PTPRR: variants seen among roughly 807,000 people sequenced by gnomAD.
PTPRR encodes protein tyrosine phosphatase receptor type R.
A neutral mutation model predicts 77.2 loss-of-function variants in PTPRR; 38 were observed. That is an observed-to-expected ratio of 0.49 (90% CI 0.38 to 0.65). The LOEUF (loss-of-function observed/expected upper bound fraction) is 0.65. Among genes scored for constraint, PTPRR ranks in the 30% least tolerant of loss-of-function variants. The pLI, the probability that PTPRR is intolerant of heterozygous loss-of-function variation, is 0.00. For missense variants in PTPRR, 744 were observed against 799.2 expected (o/e 0.93, Z 0.83); for synonymous variants, 299 against 283.1 (o/e 1.06, Z -0.57).
At chr12:70,912,623 T>A (rs1442052127) in intron 1 of PTPRR, among the ~76,000 whole-genome samples, 3 of 152,188 alleles carry the variant, frequency 2.0e-5, no homozygotes, top group Non-Finnish European at 4.4e-5. Flanking sequence ...TTAATGGACA[T>A]CAACATCTTA....
intron 10 of PTPRR, chr12:70,672,913 G>A: frequency 1.3e-6 from 2 of 1,524,378 alleles, no homozygotes; most frequent in African/African-American, 1.4e-5. Flanking sequence ...CTCCCACTCA[G>A]CTTAGCCCAG....
At chr12:70,750,207 G>A (rs1163462907) in intron 5 of PTPRR, among the ~76,000 whole-genome samples, 1 of 151,774 alleles carries the variant, frequency 6.6e-6, no homozygotes, top group Admixed American at 6.6e-5. Flanking sequence ...CAAAAATTCT[G>A]CCAAGTCTTA....
At chr12:70,679,819 T>A (rs548572248) in intron 10 of PTPRR, among the ~76,000 whole-genome samples, 1 of 152,148 alleles carries the variant, frequency 6.6e-6, no homozygotes, top group Non-Finnish European at 1.5e-5. Context: ...TATAGGTGAG[T>A]CTTGCGTTTT....
chr12:70,652,846 A>T (rs1303221355), intron 13 of PTPRR, among the ~76,000 whole-genome samples: 1 of 152,212 alleles, frequency 6.6e-6, no homozygotes, highest in African/African-American at 2.4e-5. Flanking sequence ...GGGGAATGTG[A>T]CTGGGAAGTG....
intron 6 of PTPRR, among the ~76,000 whole-genome samples, chr12:70,732,687 A>G (rs1159190432): frequency 6.6e-6 from 1 of 152,046 alleles, no homozygotes; most frequent in Non-Finnish European, 1.5e-5. Context: ...CAGCCTCCCA[A>G]GTAGCTGGGA....
chr12:70,876,989 A>C (rs2137098881), intron 2 of PTPRR, among the ~76,000 whole-genome samples: 1 of 152,316 alleles, frequency 6.6e-6, no homozygotes, highest in East Asian at 1.9e-4. Context: ...AGGGTGGACC[A>C]CGGTGACATG....
At chr12:70,809,816 T>C (rs1891777905) in intron 2 of PTPRR, among the ~76,000 whole-genome samples, 1 of 152,172 alleles carries the variant, frequency 6.6e-6, no homozygotes. Flanking sequence ...AAACTAAACA[T>C]GACCACTAAA....
intron 10 of PTPRR, among the ~76,000 whole-genome samples, chr12:70,676,750 A>C (rs1257326545): frequency 6.6e-6 from 1 of 151,768 alleles, no homozygotes; most frequent in African/African-American, 2.4e-5. Context: ...TCTATGTTCC[A>C]TATTCCATTC....
At chr12:70,686,190 T>C (rs1359156625) in intron 8 of PTPRR, among the ~76,000 whole-genome samples, 2 of 152,136 alleles carry the variant, frequency 1.3e-5, no homozygotes, top group East Asian at 3.9e-4. Flanking sequence ...CACACTATCA[T>C]TGAACATCTT....
intron 2 of PTPRR, among the ~76,000 whole-genome samples, chr12:70,816,611 G>A (rs1891906909): frequency 2.0e-5 from 3 of 151,902 alleles, no homozygotes. Context: ...AAATAAACCA[G>A]CACATATGCA....
chr12:70,854,430 T>C lies in PTPRR; in HGVS notation c.357+38249A>G, dbSNP rs1035317081. The stretch of plus-strand genomic sequence containing the variant: ...CATGTGCCCTTTTCAACTTTGTGAC[T>C]GAAGCAGTAGGCACATCTTCATAAG... On this transcript the variant is annotated intron_variant, in intron 2 of 13. Transcript: ENST00000283228. Among the ~76,000 whole-genome samples the C allele has an allele frequency of 9.2e-4, 140 of 152,356 alleles. 1 individual carries two copies. Among genetic ancestry groups the C allele is most frequent in the African/African-American group, 3.0e-3 (126 of 41,594 alleles).
chr12:70,894,993 C>A (rs1893401924), intron 1 of PTPRR, among the ~76,000 whole-genome samples: 1 of 151,664 alleles, frequency 6.6e-6, no homozygotes, highest in Admixed American at 6.6e-5. Flanking sequence ...GATAAAGCTA[C>A]TGGTAACAGA....
intron 2 of PTPRR, among the ~76,000 whole-genome samples, chr12:70,782,671 C>T (rs1386111011): frequency 1.3e-5 from 2 of 151,788 alleles, no homozygotes; most frequent in Non-Finnish European, 1.5e-5. Context: ...GGAAACATCA[C>T]ACACCGGGGC....
chr12:70,683,418 T>C (rs1592669579), intron 10 of PTPRR, among the ~76,000 whole-genome samples: 1 of 152,212 alleles, frequency 6.6e-6, no homozygotes, highest in Admixed American at 6.5e-5. Flanking sequence ...ACTACTAGTA[T>C]GGAAATGAAA....
chr12:70,671,626 G>A (rs1887227290), intron 10 of PTPRR, among the ~76,000 whole-genome samples: 1 of 152,140 alleles, frequency 6.6e-6, no homozygotes, highest in South Asian at 2.1e-4. Flanking sequence ...CTCCTGTAAA[G>A]ACTGAAATCT....
intron 2 of PTPRR, among the ~76,000 whole-genome samples, chr12:70,878,186 A>G (rs1893085283): frequency 6.6e-6 from 1 of 152,216 alleles, no homozygotes; most frequent in Admixed American, 6.5e-5. Context: ...CGACATAGGC[A>G]TGAGCAAGGA....
intron 1 of PTPRR, among the ~76,000 whole-genome samples, chr12:70,900,812 G>T (rs974690173): frequency 6.6e-6 from 1 of 151,436 alleles, no homozygotes; most frequent in African/African-American, 2.4e-5. Flanking sequence ...GCAAATTAAA[G>T]CCACAATGAA....
At chr12:70,673,633 G>C (rs1592659257) in intron 10 of PTPRR, among the ~76,000 whole-genome samples, 1 of 152,208 alleles carries the variant, frequency 6.6e-6, no homozygotes, top group Middle Eastern at 3.4e-3. Flanking sequence ...ATTTGTAATA[G>C]AAGAAGAAAT....
At chr12:70,895,019 T>C (rs1231449961) in intron 1 of PTPRR, among the ~76,000 whole-genome samples, 1 of 151,730 alleles carries the variant, frequency 6.6e-6, no homozygotes, top group African/African-American at 2.4e-5. Flanking sequence ...ATTCTCATAC[T>C]ATTATATCGT....
Sources: allele counts gnomAD v4.1 joint callset (sites outside exome capture counted in the v4.1 genomes callset), GRCh38; gene constraint gnomAD v4.1.1; transcripts MANE v1.5; gene names NCBI Gene and HGNC (gene_info 2026-07-23, HGNC 2026-07-21).